Variants in POMGNT1 observed in about 807,000 individuals in gnomAD.
The protein encoded by POMGNT1 is protein O-linked-mannose beta-1,2-N-acetylglucosaminyltransferase 1.
A neutral mutation model predicts 95.6 loss-of-function variants in POMGNT1; 67 were observed. That is an observed-to-expected ratio of 0.70 (90% CI 0.58 to 0.86). The LOEUF is 0.86. Among genes scored for constraint, POMGNT1 ranks in the 40% least tolerant of loss-of-function variants. The probability of loss-of-function intolerance (pLI) is 0.00; values close to 1 mark genes in which losing one functional copy is unlikely to be tolerated. For missense variants in POMGNT1, 719 were observed against 855.2 expected (o/e 0.84, Z 1.99); for synonymous variants, 298 against 317.9 (o/e 0.94, Z 0.66).
intron 1 of POMGNT1, among the ~76,000 whole-genome samples, chr1:46,217,148 G>C (rs1459756278): frequency 6.6e-6 from 1 of 152,194 alleles, no homozygotes; most frequent in Non-Finnish European, 1.5e-5. Flanking sequence ...GCTAAGGAAA[G>C]AGGCAAAGGA....
intron 1 of POMGNT1, among the ~76,000 whole-genome samples, chr1:46,204,199 C>G (rs1658641489): frequency 6.6e-6 from 1 of 152,172 alleles, no homozygotes; most frequent in African/African-American, 2.4e-5. Context: ...ATAGCAGGGA[C>G]AGAGAGTAGC....
upstream of POMGNT1, among the ~76,000 whole-genome samples, chr1:46,201,656 C>T (rs1446119847): frequency 6.8e-6 from 1 of 147,840 alleles, no homozygotes. Flanking sequence ...CAAGATCGTG[C>T]CACTGCACTC....
rs892432852 is a variant in POMGNT1 at position 46,194,762 on chromosome 1, T to C, written c.652+82A>G. 9 of 1,613,556 alleles carry C rather than the reference T, an allele frequency of 5.6e-6. No individual in the cohort carries two copies. The African/African-American group carries it at 1.2e-4, about 22-fold the overall frequency. On this transcript the variant is annotated intron_variant, in intron 7 of 21. Coordinates refer to ENST00000371984, the MANE Select transcript of POMGNT1 (RefSeq NM_017739.4). ...CCCACTGCCACTGGCTCCTATTTGT[T>C]CCCCACCCCACCCCATCTCCTAGGG... is the stretch of plus-strand genomic sequence containing the variant.
At chr1:46,193,006 T>C (rs1657906214) in intron 13 of POMGNT1, 48 bp from the exon 14 acceptor site, 2 of 1,610,506 alleles carry the variant, frequency 1.2e-6, no homozygotes, top group Non-Finnish European at 1.7e-6. Context: ...CTCTCCATCC[T>C]GTGATCTCCT....
rs34058684 is a variant in POMGNT1, at chr1:46,197,776, G to T, written c.46C>A (p.Arg16=). ...PSPLIKPFGA[R]KKRSWYLTWK... The stretch of plus-strand genomic sequence containing the variant: ...GTAAGGTACCAGCTCCGCTTCTTCC[G>T]AGCCCCAAAGGGCTTGATGAGGGGG... Residue 16 remains arginine, a synonymous_variant, in exon 2 of 22, where the codon CGG becomes AGG. Coordinates refer to ENST00000371984, the MANE Select transcript of POMGNT1 (RefSeq NM_017739.4). 17 of 1,614,030 alleles carry T rather than the reference G, an allele frequency of 1.1e-5. No individual in the cohort carries two copies. Among genetic ancestry groups the T allele is most frequent in the Non-Finnish European group, 1.4e-5 (17 of 1,180,028 alleles).
chr1:46,203,308 C>T (rs540257278), upstream of POMGNT1: 27 of 740,418 alleles, frequency 3.6e-5, no homozygotes, highest in South Asian at 7.4e-4. Context: ...CCTCCCGCCC[C>T]CGCGCCGCGC....
In POMGNT1 at chr1:46,191,979, T is replaced by C. The variant is rs7521880; in HGVS notation, c.1539+119A>G. ...TAAAGAAACTGAGGCAAAAATAGGA[T>C]AGCTCTTTCCCCAAGGTTACATGGC... On this transcript the variant is annotated intron_variant, in intron 17 of 21. Transcript: ENST00000371984. 0.35 allele frequency: 505,070 copies of C among 1,430,214 alleles called. 91,057 individuals carry two copies. Among genetic ancestry groups the C allele is most frequent in the South Asian group, 0.45 (36,496 of 81,238 alleles). The allele number at this position is 1,430,214 out of a possible 1,614,324, so 88.6% of individuals were successfully genotyped here.
Position 46,189,876 on chromosome 1 carries a change from G to A in POMGNT1, c.1763C>T (p.Thr588Ile). 1 of 1,613,924 alleles carries A rather than the reference G, an allele frequency of 6.2e-7. No individual in the cohort carries two copies. Among genetic ancestry groups the A allele is most frequent in the Non-Finnish European group, 8.5e-7 (1 of 1,180,014 alleles). ...FIRMEKDDDF[T>I]TWTQLAKCLH... is the part of the protein sequence containing the mutation. ...CACCTTGGCAAGCTGGGTCCAGGTG[G>A]TGAAGTCATCATCTTTCTCCATTCG... Residue 588 changes from threonine (T) to isoleucine (I), a missense_variant, in exon 20 of 22, where the codon ACC becomes ATC. Thr to Ile is a moderately conservative substitution (Grantham distance 89). Coordinates refer to ENST00000371984, the MANE Select transcript of POMGNT1 (RefSeq NM_017739.4).
intron 1 of POMGNT1, among the ~76,000 whole-genome samples, chr1:46,218,188 T>C (rs2148254018): frequency 6.6e-6 from 1 of 152,270 alleles, no homozygotes; most frequent in East Asian, 1.9e-4. Flanking sequence ...GCCTAGGAGT[T>C]TGAGACCAAC....
At chr1:46,195,321 C>T (rs1460757471) in intron 6 of POMGNT1, among the ~76,000 whole-genome samples, 2 of 152,198 alleles carry the variant, frequency 1.3e-5, no homozygotes, top group African/African-American at 4.8e-5. Context: ...GGGCTTTGCA[C>T]TTGCCATTCT....
upstream of POMGNT1, chr1:46,198,469 C>T (rs1658411488): frequency 1.3e-5 from 2 of 149,294 alleles, no homozygotes; most frequent in Admixed American, 1.3e-4. Context: ...CTTCCGCCGC[C>T]GCCGCCGCCG....
chr1:46,192,956 C>A lies in POMGNT1; in HGVS notation c.1155G>T (p.Glu385Asp). ...SLTATFNLFPEAKFAVVLEED... is the reference protein window; with the variant it reads ...SLTATFNLFPDAKFAVVLEED... The stretch of plus-strand genomic sequence containing the variant: ...CTTCCAGAACCACAGCAAACTTGGC[C>A]TCCTAGAAGGGGAATGGGACATCAT... Residue 385 changes from glutamate (E) to aspartate (D), a missense_variant and splice_region_variant, in exon 14 of 22, where the codon GAG (glutamate) becomes GAT (aspartate). Coordinates refer to ENST00000371984, the MANE Select transcript of POMGNT1 (RefSeq NM_017739.4). 1 of 1,614,176 alleles carries A rather than the reference C, an allele frequency of 6.2e-7. No individual in the cohort carries two copies. The highest frequency in any genetic ancestry group is 8.5e-7 in the Non-Finnish European group (1 of 1,180,014).
chr1:46,208,551 A>G (rs1417472747), intron 1 of POMGNT1, among the ~76,000 whole-genome samples: 1 of 152,114 alleles, frequency 6.6e-6, no homozygotes, highest in Non-Finnish European at 1.5e-5. Flanking sequence ...AGTTCAAGAT[A>G]CCAGATTGAG....
intron 1 of POMGNT1, among the ~76,000 whole-genome samples, chr1:46,211,273 A>G (rs1658885897): frequency 6.6e-6 from 1 of 152,150 alleles, no homozygotes; most frequent in Non-Finnish European, 1.5e-5. Flanking sequence ...TGAGGGTCTT[A>G]TGACCCACAA....
rs953029017 is a variant in POMGNT1 at position 46,194,881 on chromosome 1, G to A, written c.615C>T (p.Gly205=). ...CCACGAAGGCCCATGTGTCCCTCCA[G>A]CCCAGGGCAGGGCCAGCCTGGCTGC... ...SLGSQAGPAL[G]WRDTWAFVGR... is the part of the protein sequence containing the mutation. Residue 205 remains glycine, a synonymous_variant, in exon 7 of 22, where the codon GGC becomes GGT. Transcript: ENST00000371984. 1.2e-6 allele frequency: 2 copies of A among 1,614,146 alleles called. No homozygotes were observed. Among genetic ancestry groups the A allele is most frequent in the Non-Finnish European group, 1.7e-6 (2 of 1,180,032 alleles).
At chr1:46,195,667 C>A (rs934172307) in intron 6 of POMGNT1, 144 bp downstream of exon 6, 2 of 799,390 alleles carry the variant, frequency 2.5e-6, no homozygotes, top group Non-Finnish European at 4.3e-6. Context: ...TGAATTAATA[C>A]AAATGTTAAG....
At position 46,189,744 on chromosome 1, in the gene POMGNT1, A is replaced by G. The variant is rs568116338; in HGVS notation, c.1785+110T>C. 5.1e-6 allele frequency: 8 copies of G among 1,568,334 alleles called. No homozygotes were observed. The East Asian group carries it at 9.1e-5, about 18-fold the overall frequency. On this transcript the variant is annotated intron_variant, in intron 20 of 21. Transcript: ENST00000371984. ...GTTGGAAGAGGTGTTCTAAGAGTATAAAGAGGAGGTTCTGAGGTTGAAGAT... is the reference window on the plus strand; with the variant it reads ...GTTGGAAGAGGTGTTCTAAGAGTATGAAGAGGAGGTTCTGAGGTTGAAGAT...
intron 1 of POMGNT1, among the ~76,000 whole-genome samples, chr1:46,204,971 G>A (rs1038228214): frequency 5.8e-4 from 88 of 152,240 alleles, no homozygotes; most frequent in African/African-American, 1.9e-3. Context: ...AGAAACTGAG[G>A]CACAGGGTGG....
At chr1:46,212,618 C>A (rs1025447293) in intron 1 of POMGNT1, among the ~76,000 whole-genome samples, 1 of 151,826 alleles carries the variant, frequency 6.6e-6, no homozygotes, top group African/African-American at 2.4e-5. Context: ...GCTCTGTCAC[C>A]CAAGCTATAG....
Sources: gnomAD v4.1 joint callset for allele counts (sites outside exome capture counted in the v4.1 genomes callset) on GRCh38, gnomAD v4.1.1 for gene constraint, MANE v1.5 for transcripts, NCBI Gene and HGNC (gene_info 2026-07-23, HGNC 2026-07-21) for gene names.